RASGRP3: variants seen among roughly 807,000 people sequenced by gnomAD.
RASGRP3 encodes the protein ras guanyl-releasing protein 3.
Under a neutral mutation model 82.7 loss-of-function variants are expected in RASGRP3, and 54 were observed. The observed-to-expected ratio is 0.65, with a 90% confidence interval of 0.52 to 0.82. RASGRP3 has a LOEUF of 0.82. Ranked by LOEUF, RASGRP3 falls within the 40% of genes least tolerant of loss-of-function variation. The pLI, the probability that RASGRP3 is intolerant of heterozygous loss-of-function variation, is 0.00. For missense variants in RASGRP3, 861 were observed against 828.9 expected (o/e 1.04, Z -0.48); for synonymous variants, 309 against 300.5 (o/e 1.03, Z -0.29).
intron 1 of RASGRP3, among the ~76,000 whole-genome samples, chr2:33,477,291 A>G (rs988310909): frequency 2.6e-5 from 4 of 152,198 alleles, no homozygotes; most frequent in African/African-American, 7.2e-5. Context: ...TCATATTTAG[A>G]TTTCTTGCAT....
chr2:33,556,606 C>G (rs574760091), intron 15 of RASGRP3, among the ~76,000 whole-genome samples: 12 of 152,098 alleles, frequency 7.9e-5, no homozygotes, highest in Non-Finnish European at 1.8e-4. Flanking sequence ...AAAGAAACAT[C>G]TTAATCACAG....
intron 1 of RASGRP3, among the ~76,000 whole-genome samples, chr2:33,440,683 G>A (rs773397995): frequency 2.0e-5 from 3 of 152,216 alleles, no homozygotes; most frequent in Non-Finnish European, 4.4e-5. Context: ...TTAACCTCCA[G>A]AATCGTTTTT....
chr2:33,499,697 T>C (rs1669673025), intron 1 of RASGRP3, among the ~76,000 whole-genome samples: 1 of 152,088 alleles, frequency 6.6e-6, no homozygotes, highest in African/African-American at 2.4e-5. Flanking sequence ...TCAACTGATT[T>C]GGATCAAATC....
chr2:33,478,740 C>T (rs546582133), intron 1 of RASGRP3, among the ~76,000 whole-genome samples: 1 of 152,306 alleles, frequency 6.6e-6, no homozygotes, highest in African/African-American at 2.4e-5. Flanking sequence ...GATGAGGAAA[C>T]TGTAGCAAAT....
At chr2:33,492,396 G>A (rs1307803592) in intron 1 of RASGRP3, among the ~76,000 whole-genome samples, 1 of 152,210 alleles carries the variant, frequency 6.6e-6, no homozygotes, top group African/African-American at 2.4e-5. Context: ...AATTCTGTGT[G>A]TGATTTCAGG....
chr2:33,547,803 A>C (rs1039104861), intron 13 of RASGRP3, among the ~76,000 whole-genome samples: 3 of 152,036 alleles, frequency 2.0e-5, no homozygotes, highest in Non-Finnish European at 2.9e-5. Flanking sequence ...AAGGAGTCAG[A>C]GGGCCCTGCA....
chr2:33,460,501 TG>T (rs1398122500), intron 2 of RASGRP3, among the ~76,000 whole-genome samples: 1 of 151,712 alleles, frequency 6.6e-6, no homozygotes, highest in Non-Finnish European at 1.5e-5. Context: ...GGGCATGTAT[TG>T]TTTTTTAGAT....
chr2:33,522,066 C>G lies in RASGRP3; in HGVS notation c.480C>G (p.Leu160=), dbSNP rs754878259. ...HLEPIELAEH[L]TFLEHKSFRR... is the part of the protein sequence containing the mutation. ...AGCCCATTGAATTGGCTGAGCACCT[C>G]ACTTTTCTGGAGCATAAATCTTTTA... The change falls in exon 7 of 18, where the codon CTC becomes CTG. Residue 160 remains leucine (L), a synonymous_variant. Coordinates refer to ENST00000403687, the MANE Select transcript of RASGRP3 (RefSeq NM_001139488.2). 6.2e-7 allele frequency: 1 copy of G among 1,612,502 alleles called. No homozygotes were observed. The highest frequency in any genetic ancestry group is 8.5e-7 in the Non-Finnish European group (1 of 1,179,540).
At chr2:33,529,781 C>T (rs1370183499) in intron 10 of RASGRP3, among the ~76,000 whole-genome samples, 1 of 152,018 alleles carries the variant, frequency 6.6e-6, no homozygotes, top group East Asian at 1.9e-4. Flanking sequence ...GTTTTATGCT[C>T]ATTTGTGAGG....
chr2:33,467,972 G>T (rs1666797374), intron 2 of RASGRP3, among the ~76,000 whole-genome samples: 1 of 149,618 alleles, frequency 6.7e-6, no homozygotes, highest in African/African-American at 2.5e-5. Flanking sequence ...CTAATGGATG[G>T]TGAGGCTTTT....
At chr2:33,472,011 T>C (rs1214499278), upstream of RASGRP3, among the ~76,000 whole-genome samples, 2 of 152,214 alleles carry the variant, frequency 1.3e-5, no homozygotes, top group African/African-American at 4.8e-5. Flanking sequence ...ATGGCCAATT[T>C]CTTTTGGAAA....
At chr2:33,476,202 C>T (rs369416486), upstream of RASGRP3, 53 of 152,270 alleles carry the variant, frequency 3.5e-4, no homozygotes, top group East Asian at 2.5e-3. Flanking sequence ...GAAAACGAAA[C>T]CAAACAGTTG....
In RASGRP3 at chr2:33,519,866, T is replaced by C. The variant is rs1169916148; in HGVS notation, c.174-86T>C. The C allele has an allele frequency of 2.3e-5, 21 of 896,592 alleles. No homozygotes were observed. In the East Asian group the frequency reaches 5.3e-4, roughly 22 times the overall value. 55.5% of individuals were successfully genotyped at this position (896,592 alleles called of 1,614,324 possible). On this transcript the variant is annotated intron_variant, in intron 4 of 17. Transcript: ENST00000403687. ...TATAACCCCAGCATGGTCCTCTTATTAGGAATTGGTATACATTGAGGGCAC... is the reference window on the plus strand; with the variant it reads ...TATAACCCCAGCATGGTCCTCTTATCAGGAATTGGTATACATTGAGGGCAC...
chr2:33,511,201 T>C (rs1334405871), intron 1 of RASGRP3, among the ~76,000 whole-genome samples: 1 of 152,088 alleles, frequency 6.6e-6, no homozygotes, highest in Non-Finnish European at 1.5e-5. Context: ...CGCCAGAGAG[T>C]ACCTATCAAC....
chr2:33,556,888 A>AACAC (rs776395892), intron 15 of RASGRP3, among the ~76,000 whole-genome samples: 2 of 40,590 alleles, frequency 4.9e-5, no homozygotes, highest in African/African-American at 8.4e-5. Context: ...CATACCCTAA[A>AACAC]ATACACACAC....
At chr2:33,492,653 G>T (rs578054930) in intron 1 of RASGRP3, among the ~76,000 whole-genome samples, 51 of 152,224 alleles carry the variant, frequency 3.4e-4, no homozygotes, top group Non-Finnish European at 6.0e-4. Flanking sequence ...ACAGGAAGAA[G>T]GTGGCCATCT....
At chr2:33,537,321 C>CA (rs1553359083) in intron 11 of RASGRP3, among the ~76,000 whole-genome samples, 41,970 of 101,350 alleles carry the variant, frequency 0.41, 10,126 homozygotes, top group African/African-American at 0.54. Context: ...CACACACACA[C>CA]CGCCCCCCCC....
chr2:33,464,740 G>A (rs1451362805), intron 2 of RASGRP3, among the ~76,000 whole-genome samples: 1 of 152,176 alleles, frequency 6.6e-6, no homozygotes, highest in East Asian at 1.9e-4. Flanking sequence ...GCCTCTGCAA[G>A]TATTAAATGT....
chr2:33,454,462 A>G (rs1665943218), intron 2 of RASGRP3, among the ~76,000 whole-genome samples: 1 of 152,218 alleles, frequency 6.6e-6, no homozygotes, highest in East Asian at 1.9e-4. Context: ...TTTGGGCCCC[A>G]AGGGCCAGAG....
Sources: gnomAD v4.1 joint callset for allele counts (sites outside exome capture counted in the v4.1 genomes callset) on GRCh38, gnomAD v4.1.1 for gene constraint, MANE v1.5 for transcripts, NCBI Gene and HGNC (gene_info 2026-07-23, HGNC 2026-07-21) for gene names.